The following SLC44A5 variants were observed in gnomAD, a reference collection of about 807,000 sequenced individuals.
SLC44A5 encodes choline transporter-like protein 5.
A neutral mutation model predicts 101.8 loss-of-function variants in SLC44A5; 57 were observed. The ratio of observed to expected loss-of-function variants is 0.56; its 90% CI spans 0.45 to 0.70. The LOEUF is 0.70. Ranked by LOEUF, SLC44A5 falls within the 30% of genes least tolerant of loss-of-function variation. The pLI, the probability that SLC44A5 is intolerant of heterozygous loss-of-function variation, is 0.00. For synonymous variants in SLC44A5, 281 were observed against 290.9 expected (o/e 0.97, Z 0.35); for missense variants, 737 against 853.1 (o/e 0.86, Z 1.70).
chr1:75,668,868 A>G, the SLC44A5 span, among the ~76,000 whole-genome samples: 2 of 151,148 alleles, frequency 1.3e-5, no homozygotes, highest in African/African-American at 4.9e-5. Context: ...GGTACAACGC[A>G]CCTGTAATCC....
chr1:75,331,629 T>C (rs1657062813), intron 4 of SLC44A5, among the ~76,000 whole-genome samples: 1 of 152,178 alleles, frequency 6.6e-6, no homozygotes, highest in African/African-American at 2.4e-5. Context: ...ATTAGCTCAC[T>C]CTGTTACTAA....
intron 2 of SLC44A5, among the ~76,000 whole-genome samples, chr1:75,530,528 C>G (rs1670656989): frequency 6.6e-6 from 1 of 152,176 alleles, no homozygotes; most frequent in Admixed American, 6.6e-5. Flanking sequence ...TGTCCTAAAT[C>G]TAAAATAGCC....
the SLC44A5 span, among the ~76,000 whole-genome samples, chr1:75,647,882 G>A: frequency 1.3e-5 from 2 of 152,270 alleles, no homozygotes; most frequent in Non-Finnish European, 2.9e-5. Flanking sequence ...GACTTGCCTT[G>A]TCTCAGATGA....
chr1:75,366,478 G>C (rs897628250), intron 3 of SLC44A5, among the ~76,000 whole-genome samples: 1 of 152,178 alleles, frequency 6.6e-6, no homozygotes, highest in East Asian at 1.9e-4. Flanking sequence ...TTGACAATTT[G>C]ATTAGAATAT....
At chr1:75,548,862 G>T (rs1023218840) in intron 1 of SLC44A5, among the ~76,000 whole-genome samples, 2 of 152,090 alleles carry the variant, frequency 1.3e-5, no homozygotes, top group African/African-American at 4.8e-5. Flanking sequence ...AGTAAATAAG[G>T]ATAAAATGTT....
intron 3 of SLC44A5, among the ~76,000 whole-genome samples, chr1:75,385,831 C>G (rs1461277089): frequency 6.6e-6 from 1 of 151,952 alleles, no homozygotes; most frequent in Non-Finnish European, 1.5e-5. Flanking sequence ...CAAAACGAAT[C>G]CAGCAGCACA....
chr1:75,281,852 T>A (rs1231707084), intron 5 of SLC44A5, among the ~76,000 whole-genome samples: 1 of 152,104 alleles, frequency 6.6e-6, no homozygotes, highest in African/African-American at 2.4e-5. Context: ...TCAGAGGATG[T>A]ATGGAAATGC....
intron 1 of SLC44A5, among the ~76,000 whole-genome samples, chr1:75,590,060 G>A (rs1382360983): frequency 6.6e-6 from 1 of 151,948 alleles, no homozygotes; most frequent in Non-Finnish European, 1.5e-5. Context: ...TGGATTAGGG[G>A]GGCACACGAC....
At chr1:75,234,297 G>A (rs1647872294) in intron 11 of SLC44A5, among the ~76,000 whole-genome samples, 199 bp from the exon 12 acceptor site, 1 of 152,036 alleles carries the variant, frequency 6.6e-6, no homozygotes, top group African/African-American at 2.4e-5. Flanking sequence ...AGGATCATCA[G>A]GGACTTTATA....
At chr1:75,421,208 TA>T (rs1465952106) in intron 2 of SLC44A5, among the ~76,000 whole-genome samples, 1 of 152,120 alleles carries the variant, frequency 6.6e-6, no homozygotes, top group African/African-American at 2.4e-5. Flanking sequence ...AAAATATACC[TA>T]AAATCATGTT....
chr1:75,328,656 A>T (rs777976972), intron 4 of SLC44A5, among the ~76,000 whole-genome samples: 3 of 152,196 alleles, frequency 2.0e-5, no homozygotes, highest in Non-Finnish European at 4.4e-5. Flanking sequence ...AGGGTATTAG[A>T]TGATCATATG....
At chr1:75,404,543 C>T (rs1327927200) in intron 2 of SLC44A5, among the ~76,000 whole-genome samples, 3 of 152,150 alleles carry the variant, frequency 2.0e-5, no homozygotes, top group Non-Finnish European at 2.9e-5. Flanking sequence ...AGCAAATATT[C>T]AACATTCTTA....
chr1:75,604,086 C>G, intron 1 of SLC44A5, among the ~76,000 whole-genome samples: 1 of 151,998 alleles, frequency 6.6e-6, no homozygotes, highest in Non-Finnish European at 1.5e-5. Flanking sequence ...AAATTTTTCC[C>G]AAAGTCAATG....
intron 2 of SLC44A5, among the ~76,000 whole-genome samples, chr1:75,481,250 A>G (rs1443030045): frequency 6.6e-6 from 1 of 152,240 alleles, no homozygotes; most frequent in Non-Finnish European, 1.5e-5. Context: ...TACAAAAATT[A>G]ATTCAAGATG....
At chr1:75,575,119 C>G (rs906989769) in intron 1 of SLC44A5, among the ~76,000 whole-genome samples, 1 of 152,170 alleles carries the variant, frequency 6.6e-6, no homozygotes, top group Non-Finnish European at 1.5e-5. Context: ...CCTAAAATGA[C>G]TTAATTTCTA....
chr1:75,339,540 G>T, intron 4 of SLC44A5, 42 bp downstream of exon 4: 1 of 1,540,432 alleles, frequency 6.5e-7, no homozygotes, highest in East Asian at 2.3e-5. Flanking sequence ...AGCTTTCTGT[G>T]TATGTTTAAA....
the SLC44A5 span, among the ~76,000 whole-genome samples, chr1:75,652,675 T>C: frequency 1.3e-5 from 2 of 152,088 alleles, no homozygotes; most frequent in African/African-American, 4.8e-5. Context: ...ACACCTATAA[T>C]CGTAGCTACT....
intron 1 of SLC44A5, among the ~76,000 whole-genome samples, chr1:75,599,044 T>C (rs376200983): frequency 1.7e-3 from 256 of 152,324 alleles, no homozygotes; most frequent in Middle Eastern, 3.4e-3. Flanking sequence ...CAATTGAATA[T>C]TACCAAACCA....
At chr1:75,615,426 C>CATACAT (rs1675830716), upstream of SLC44A5, among the ~76,000 whole-genome samples, 11 of 88,686 alleles carry the variant, frequency 1.2e-4, no homozygotes, top group Admixed American at 9.9e-4. Context: ...TACACACACA[C>CATACAT]ACACATACAT....
Sources: gnomAD v4.1 joint callset for allele counts (sites outside exome capture counted in the v4.1 genomes callset) on GRCh38, gnomAD v4.1.1 for gene constraint, MANE v1.5 for transcripts, NCBI Gene and HGNC (gene_info 2026-07-23, HGNC 2026-07-21) for gene names.